Variants in PEBP4 observed in about 807,000 individuals in gnomAD.
The protein encoded by PEBP4 is phosphatidylethanolamine binding protein 4.
Under a neutral mutation model 23.9 loss-of-function variants are expected in PEBP4, and 22 were observed. The observed-to-expected ratio is 0.92, with a 90% CI of 0.66 to 1.31. PEBP4 has a LOEUF of 1.31. Among genes scored for constraint, PEBP4 ranks in the 40% most tolerant of loss-of-function variants. The probability of loss-of-function intolerance (pLI) is 0.00; values close to 1 mark genes in which losing one functional copy is unlikely to be tolerated. For synonymous variants in PEBP4, 112 were observed against 99.3 expected, an observed-to-expected ratio of 1.13 and a Z score of -0.76; for missense variants, 324 against 281.7, an observed-to-expected ratio of 1.15 and a Z score of -1.07.
intron 4 of PEBP4, among the ~76,000 whole-genome samples, chr8:22,765,286 G>A (rs1353158285): frequency 6.6e-6 from 1 of 152,094 alleles, no homozygotes; most frequent in East Asian, 1.9e-4. Context: ...TGAGACTACA[G>A]GTATGTGCCA....
intron 4 of PEBP4, among the ~76,000 whole-genome samples, chr8:22,809,440 G>A (rs561032332): frequency 2.2e-4 from 33 of 152,238 alleles, no homozygotes; most frequent in African/African-American, 7.9e-4. Flanking sequence ...CCCACACATG[G>A]CCACAATATA....
intron 3 of PEBP4, among the ~76,000 whole-genome samples, chr8:22,866,568 G>C (rs916298654): frequency 2.6e-5 from 4 of 152,074 alleles, no homozygotes; most frequent in Admixed American, 6.5e-5. Context: ...TCTGACTCCA[G>C]AGGCCACCCA....
intron 3 of PEBP4, among the ~76,000 whole-genome samples, chr8:22,846,093 T>G (rs1807427732): frequency 6.6e-6 from 1 of 152,226 alleles, no homozygotes; most frequent in Non-Finnish European, 1.5e-5. Context: ...ATCTTTGGGC[T>G]GTTTCTGGTG....
rs2128769555 is a variant in PEBP4 at position 22,865,672 on chromosome 8, A to T, written c.259-47937T>A. On this transcript the variant is annotated intron_variant, in intron 3 of 6. Transcript: ENST00000256404. This position sits in a 1 kb window ranked among gnomAD's most constrained non-coding sequence, Gnocchi z 6.9. ...GCCCGGGAGGAGGAGGCAAAGGAAG[A>T]CTCCGTTCCAGCCACCTCCCGCCGC... 6.6e-6 allele frequency among the ~76,000 whole-genome samples: 1 copy of T among 151,696 alleles called. No homozygotes were observed. The highest frequency in any genetic ancestry group is 2.0e-4 in the East Asian group (1 of 5,108).
chr8:22,781,849 G>A (rs1047550261), intron 4 of PEBP4, among the ~76,000 whole-genome samples: 7 of 152,206 alleles, frequency 4.6e-5, no homozygotes, highest in African/African-American at 1.7e-4. Context: ...CTGGGGAAGA[G>A]GGGGAGCCAA....
At chr8:22,826,419 G>A (rs1806969785) in intron 3 of PEBP4, among the ~76,000 whole-genome samples, 1 of 152,172 alleles carries the variant, frequency 6.6e-6, no homozygotes, top group Non-Finnish European at 1.5e-5. Context: ...AAAGATATCT[G>A]CACACTTATG....
At chr8:22,734,929 C>T (rs577355760) in intron 4 of PEBP4, among the ~76,000 whole-genome samples, 15 of 152,298 alleles carry the variant, frequency 9.8e-5, no homozygotes, top group South Asian at 6.2e-4. Flanking sequence ...GGTTAAGAGA[C>T]GAGATTTCCC....
chr8:22,719,352 C>T (rs1422478162), intron 6 of PEBP4, among the ~76,000 whole-genome samples: 1 of 152,184 alleles, frequency 6.6e-6, no homozygotes, highest in Non-Finnish European at 1.5e-5. Context: ...AGGGGATTTC[C>T]CCTGCTCGCT....
chr8:22,921,735 T>C (rs895232948), intron 2 of PEBP4, among the ~76,000 whole-genome samples: 3 of 152,242 alleles, frequency 2.0e-5, no homozygotes, highest in African/African-American at 7.2e-5. Flanking sequence ...TTTACAGCAA[T>C]TCTTGGTGGA....
chr8:22,928,991 T>G (rs1204771288), upstream of PEBP4, among the ~76,000 whole-genome samples: 1 of 152,126 alleles, frequency 6.6e-6, no homozygotes. Context: ...TCTCAATCAT[T>G]AGGTTCTCTG....
chr8:22,832,556 G>T (rs919076513), intron 3 of PEBP4, among the ~76,000 whole-genome samples: 7 of 152,164 alleles, frequency 4.6e-5, no homozygotes, highest in African/African-American at 9.7e-5. Context: ...AGGGAGAGGG[G>T]CTTTCCTGAC....
At chr8:22,716,956 A>G (rs973585893) in intron 6 of PEBP4, among the ~76,000 whole-genome samples, 3 of 152,184 alleles carry the variant, frequency 2.0e-5, no homozygotes, top group African/African-American at 4.8e-5. Flanking sequence ...TAACCTAATC[A>G]CAGTCTGGTC....
At chr8:22,768,536 G>A (rs1003169145) in intron 4 of PEBP4, among the ~76,000 whole-genome samples, 7 of 152,188 alleles carry the variant, frequency 4.6e-5, no homozygotes, top group African/African-American at 7.2e-5. Flanking sequence ...CCGGGCCTCC[G>A]GTGCGGAGCT....
intron 1 of PEBP4, among the ~76,000 whole-genome samples, chr8:22,940,300 G>A (rs187016709): frequency 2.6e-5 from 4 of 152,206 alleles, no homozygotes; most frequent in East Asian, 1.9e-4. Flanking sequence ...GAGGCTCATC[G>A]CAGCCCAAAA....
intron 4 of PEBP4, among the ~76,000 whole-genome samples, chr8:22,786,521 C>G (rs2128756106): frequency 6.6e-6 from 1 of 152,198 alleles, no homozygotes; most frequent in Non-Finnish European, 1.5e-5. Context: ...TAGCCTCAAG[C>G]AATGCTCCCA....
chr8:22,824,971 G>A (rs151035339), intron 3 of PEBP4, among the ~76,000 whole-genome samples: 2 of 152,288 alleles, frequency 1.3e-5, no homozygotes, highest in East Asian at 3.9e-4. Flanking sequence ...CTGCATTGCA[G>A]GGCACTGTTG....
At chr8:22,834,230 C>G (rs370957674) in intron 3 of PEBP4, among the ~76,000 whole-genome samples, 7 of 152,368 alleles carry the variant, frequency 4.6e-5, no homozygotes, top group African/African-American at 1.7e-4. Context: ...GCCTCCCCCA[C>G]CAAGTTCTGT....
chr8:22,815,042 C>G (rs999794793), intron 4 of PEBP4: 1 of 152,154 alleles, frequency 6.6e-6, no homozygotes, highest in East Asian at 1.9e-4. Flanking sequence ...TTAAGGGACG[C>G]GGATTGAAGA....
Position 22,795,052 on chromosome 8 carries a change from T to C in PEBP4, c.357+22585A>G, listed in dbSNP as rs1806213809. On this transcript the variant is annotated intron_variant, in intron 4 of 6. Transcript: ENST00000256404. Reference sequence around the variant, plus strand: ...AGTATATATCTTAATCTGTTTCAGATCTTGCTATTCAGTGATATGTCTGTG... The same window carrying C: ...AGTATATATCTTAATCTGTTTCAGACCTTGCTATTCAGTGATATGTCTGTG... Among the ~76,000 whole-genome samples, 3 of 150,364 alleles carry C rather than the reference T, an allele frequency of 2.0e-5. No individual in the cohort carries two copies. The South Asian group carries it at 6.3e-4, about 32-fold the overall frequency.
Sources: gnomAD v4.1 joint callset for allele counts (sites outside exome capture counted in the v4.1 genomes callset) on GRCh38, gnomAD v4.1.1 for gene constraint, Gnocchi (gnomAD v3.1) non-coding constraint, MANE v1.5 for transcripts, NCBI Gene and HGNC (gene_info 2026-07-23, HGNC 2026-07-21) for gene names.